The following STK3 variants were observed in gnomAD, a reference collection of about 807,000 sequenced individuals.
The protein encoded by STK3 is serine/threonine-protein kinase 3.
In STK3, 41 loss-of-function variants were observed where a neutral mutation model predicts 58.0. The ratio of observed to expected loss-of-function variants is 0.71; its 90% CI spans 0.55 to 0.92. The LOEUF (loss-of-function observed/expected upper bound fraction) is 0.92. Among genes scored for constraint, STK3 ranks in the 40% least tolerant of loss-of-function variants. The pLI is 0.00. For synonymous variants in STK3, 170 were observed against 191.0 expected (o/e 0.89, Z 0.91); for missense variants, 479 against 602.7 (o/e 0.79, Z 2.15).
chr8:98,769,910 G>A (rs763558194), intron 2 of STK3, among the ~76,000 whole-genome samples: 1 of 152,174 alleles, frequency 6.6e-6, no homozygotes, highest in Non-Finnish European at 1.5e-5. Flanking sequence ...ACAGAAACAG[G>A]GTTGAGATTT....
intron 7 of STK3, among the ~76,000 whole-genome samples, chr8:98,592,309 C>T (rs1815384678): frequency 6.6e-6 from 1 of 152,114 alleles, no homozygotes; most frequent in East Asian, 1.9e-4. Flanking sequence ...AATACATCTC[C>T]CATTTTTGTG....
chr8:98,371,999 A>C (rs1817614887), intron 2 of STK3, among the ~76,000 whole-genome samples: 1 of 152,140 alleles, frequency 6.6e-6, no homozygotes, highest in Non-Finnish European at 1.5e-5. Flanking sequence ...GGGGTCCTTA[A>C]ACCGAATATG....
intron 6 of STK3, among the ~76,000 whole-genome samples, chr8:98,646,889 C>CA (rs1409227324): frequency 6.6e-6 from 1 of 152,146 alleles, no homozygotes; most frequent in Non-Finnish European, 1.5e-5. Flanking sequence ...AGAGGCCTCC[C>CA]AACTGGCCTC....
intron 8 of STK3, among the ~76,000 whole-genome samples, chr8:98,577,578 G>T (rs1365330732): frequency 6.6e-6 from 1 of 152,102 alleles, no homozygotes; most frequent in Non-Finnish European, 1.5e-5. Flanking sequence ...ACAGTGAGAG[G>T]TCCTCTTTGT....
At chr8:98,711,400 A>C (rs1826421534) in intron 4 of STK3, among the ~76,000 whole-genome samples, 1 of 152,202 alleles carries the variant, frequency 6.6e-6, no homozygotes, top group Admixed American at 6.5e-5. Context: ...AAATTAGACA[A>C]ATGGCTAACT....
At chr8:98,371,945 A>C (rs998201484) in intron 2 of STK3, among the ~76,000 whole-genome samples, 1 of 152,200 alleles carries the variant, frequency 6.6e-6, no homozygotes, top group Non-Finnish European at 1.5e-5. Flanking sequence ...TTGCAGATCT[A>C]ATCAAGTTAA....
At chr8:98,911,596 G>A (rs1461092646) in intron 1 of STK3, among the ~76,000 whole-genome samples, 1 of 152,020 alleles carries the variant, frequency 6.6e-6, no homozygotes, top group East Asian at 1.9e-4. Context: ...GTTTCATCGT[G>A]TTGGCCAGGC....
At chr8:98,863,266 T>C (rs111875110) in intron 3 of STK3, among the ~76,000 whole-genome samples, 1,906 of 152,284 alleles carry the variant, frequency 0.013, 33 homozygotes, top group African/African-American at 0.043. Context: ...CATTTGCCTT[T>C]TTGTTTTATT....
chr8:98,724,255 G>C (rs904978724), intron 4 of STK3, among the ~76,000 whole-genome samples: 1 of 152,130 alleles, frequency 6.6e-6, no homozygotes, highest in Non-Finnish European at 1.5e-5. Context: ...TTAAGGCCTT[G>C]AATGATACAA....
intron 1 of STK3, among the ~76,000 whole-genome samples, chr8:98,814,238 A>T (rs1484524536): frequency 6.6e-6 from 1 of 151,784 alleles, no homozygotes; most frequent in Non-Finnish European, 1.5e-5. Context: ...TTTAGTAGAG[A>T]CAGGGTTTCA....
At chr8:98,669,039 C>A (rs1283037474) in intron 6 of STK3, among the ~76,000 whole-genome samples, 3 of 147,750 alleles carry the variant, frequency 2.0e-5, no homozygotes, top group African/African-American at 7.6e-5. Context: ...CTCTGTTGCC[C>A]AGGTTGGAGT....
At position 98,542,738 on chromosome 8, in the gene STK3, T is replaced by C. The variant is rs374059877; in HGVS notation, c.1141+5231A>G. Reference sequence around the variant, plus strand: ...GTGGACAGATGAATATTATCCTTTATTGATTATCAACTATATTTAAAACAC... The same window carrying C: ...GTGGACAGATGAATATTATCCTTTACTGATTATCAACTATATTTAAAACAC... On this transcript the variant is annotated intron_variant, in intron 9 of 10. Transcript: ENST00000419617. 6.0e-4 allele frequency among the ~76,000 whole-genome samples: 91 copies of C among 152,334 alleles called. 1 individual carries two copies. The highest frequency in any genetic ancestry group is 2.2e-3 in the African/African-American group (90 of 41,586).
chr8:98,771,722 G>A (rs965141387), intron 2 of STK3, among the ~76,000 whole-genome samples: 3 of 151,908 alleles, frequency 2.0e-5, no homozygotes, highest in African/African-American at 7.3e-5. Context: ...ATGCCACCAC[G>A]CCCGGCTAAT....
intron 1 of STK3, among the ~76,000 whole-genome samples, chr8:98,914,072 A>G (rs1839250624): frequency 6.6e-6 from 1 of 151,812 alleles, no homozygotes; most frequent in African/African-American, 2.4e-5. Flanking sequence ...AAAAACAAAA[A>G]CCCGAGTTTA....
intron 9 of STK3, among the ~76,000 whole-genome samples, chr8:98,543,840 G>C (rs1810482107): frequency 6.6e-6 from 1 of 152,176 alleles, no homozygotes; most frequent in African/African-American, 2.4e-5. Context: ...CATCTGTGCA[G>C]ATGGAAGATT....
At chr8:98,741,816 T>G (rs866412078) in intron 4 of STK3, among the ~76,000 whole-genome samples, 2 of 151,876 alleles carry the variant, frequency 1.3e-5, no homozygotes, top group Non-Finnish European at 2.9e-5. Context: ...GAAAGGATCA[T>G]CAAAATTGAT....
intron 1 of STK3, among the ~76,000 whole-genome samples, chr8:98,797,454 A>G (rs879570147): frequency 2.6e-5 from 4 of 152,206 alleles, no homozygotes; most frequent in Non-Finnish European, 5.9e-5. Context: ...GATCAAGGCA[A>G]TAAGAATCAA....
At chr8:98,565,319 A>G (rs1812385202) in intron 8 of STK3, among the ~76,000 whole-genome samples, 1 of 152,192 alleles carries the variant, frequency 6.6e-6, no homozygotes, top group Non-Finnish European at 1.5e-5. Flanking sequence ...AGAAAGCTCA[A>G]ATGATATAGC....
chr8:98,733,132 G>A (rs1466867972), intron 4 of STK3, among the ~76,000 whole-genome samples: 1 of 152,124 alleles, frequency 6.6e-6, no homozygotes, highest in Non-Finnish European at 1.5e-5. Flanking sequence ...TCTCTTCTCT[G>A]ACTTACTCAT....
Sources: gnomAD v4.1 joint callset for allele counts (sites outside exome capture counted in the v4.1 genomes callset) on GRCh38, gnomAD v4.1.1 for gene constraint, MANE v1.5 for transcripts, NCBI Gene and HGNC (gene_info 2026-07-23, HGNC 2026-07-21) for gene names.